Variants in MLIP observed in about 807,000 individuals in gnomAD.
The protein encoded by MLIP is muscular LMNA interacting protein.
Under a neutral mutation model 84.8 loss-of-function variants are expected in MLIP, and 79 were observed. The observed-to-expected ratio is 0.93, with a 90% CI of 0.78 to 1.12. The LOEUF (loss-of-function observed/expected upper bound fraction) is 1.12, where lower values mean the gene tolerates loss of function less well. MLIP is among the 50% of genes most tolerant of loss of function. The probability of loss-of-function intolerance (pLI) is 0.00; values close to 1 mark genes in which losing one functional copy is unlikely to be tolerated. For missense variants in MLIP, 1,257 were observed against 1,160.6 expected (o/e 1.08, Z -1.21); for synonymous variants, 504 against 463.0 (o/e 1.09, Z -1.14).
chr6:54,190,173 G>T (rs567946203), intron 10 of MLIP, among the ~76,000 whole-genome samples: 1 of 152,206 alleles, frequency 6.6e-6, no homozygotes. Flanking sequence ...TGTGAGGTCA[G>T]ATGAAAGATG....
At chr6:54,086,122 C>T (rs1180153556) in intron 1 of MLIP, among the ~76,000 whole-genome samples, 1 of 152,114 alleles carries the variant, frequency 6.6e-6, no homozygotes, top group Non-Finnish European at 1.5e-5. Flanking sequence ...TCACATTTAC[C>T]ACCTCTGCAT....
At chr6:54,030,652 A>G (rs370187353) in intron 1 of MLIP, 7 of 152,006 alleles carry the variant, frequency 4.6e-5, no homozygotes, top group Non-Finnish European at 2.9e-5. Flanking sequence ...TGCACGTAAG[A>G]TATTTTCCTA....
At chr6:54,122,130 T>C (rs581120) in intron 2 of MLIP, among the ~76,000 whole-genome samples, 58,618 of 151,906 alleles carry the variant, frequency 0.39, 11,588 homozygotes, top group Admixed American at 0.47. Flanking sequence ...ATCTAACTCT[T>C]TGAAAAGTAT....
chr6:54,229,639 C>T (rs973634518), intron 11 of MLIP, among the ~76,000 whole-genome samples: 2 of 152,160 alleles, frequency 1.3e-5, no homozygotes, highest in Admixed American at 6.5e-5. Context: ...ACTGTTCCTG[C>T]ATTAGTTTGC....
intron 1 of MLIP, among the ~76,000 whole-genome samples, chr6:54,074,184 C>G (rs1278390256): frequency 6.6e-6 from 1 of 152,096 alleles, no homozygotes; most frequent in Non-Finnish European, 1.5e-5. Context: ...TGATAAATGG[C>G]TCCCAGTATG....
chr6:54,135,506 T>C (rs567061022), intron 3 of MLIP, among the ~76,000 whole-genome samples: 4 of 152,258 alleles, frequency 2.6e-5, no homozygotes, highest in Non-Finnish European at 4.4e-5. Context: ...TTAGGTCTGA[T>C]GGAAATCTTA....
chr6:54,093,873 C>T (rs1768030211), intron 1 of MLIP, among the ~76,000 whole-genome samples: 1 of 152,134 alleles, frequency 6.6e-6, no homozygotes, highest in Non-Finnish European at 1.5e-5. Flanking sequence ...ACGGTATGGC[C>T]CACAAAGCCT....
intron 1 of MLIP, among the ~76,000 whole-genome samples, chr6:54,116,058 A>G (rs774757906): frequency 7.9e-5 from 12 of 152,218 alleles, no homozygotes; most frequent in Non-Finnish European, 1.3e-4. Flanking sequence ...AGGAATGTGC[A>G]TAGCATACAG....
intron 1 of MLIP, among the ~76,000 whole-genome samples, chr6:54,088,899 T>C (rs1383031369): frequency 2.6e-5 from 4 of 152,182 alleles, no homozygotes; most frequent in Non-Finnish European, 4.4e-5. Context: ...ATTATTTTAT[T>C]GATAAGTCCA....
intron 1 of MLIP, among the ~76,000 whole-genome samples, chr6:54,042,855 A>G (rs1764824874): frequency 6.6e-6 from 1 of 152,188 alleles, no homozygotes; most frequent in African/African-American, 2.4e-5. Context: ...TCTATTCATT[A>G]CTACTGCAAC....
In MLIP at chr6:54,148,984, A is replaced by G. The variant is rs73741451; in HGVS notation, c.2218-72A>G. ...GATAACGTATCATTTAACTTGGTAG[A>G]ACTGTCTGAAAATTATGTCATATTC... On this transcript the variant is annotated intron_variant, in intron 4 of 13. Coordinates refer to ENST00000502396, the MANE Select transcript of MLIP (RefSeq NM_001281747.2). 1.4e-3 allele frequency: 1,765 copies of G among 1,260,708 alleles called. 23 individuals carry two copies. In the African/African-American group the frequency reaches 0.018, roughly 13 times the overall value. 78.1% of individuals were successfully genotyped at this position (1,260,708 alleles called of 1,614,324 possible).
intron 10 of MLIP, among the ~76,000 whole-genome samples, chr6:54,197,857 GTGTT>G (rs562809281): frequency 6.6e-6 from 1 of 152,098 alleles, no homozygotes; most frequent in Non-Finnish European, 1.5e-5. Flanking sequence ...AATTTCCTCT[GTGTT>G]TGTTTGGACA....
chr6:54,184,805 C>G (rs917280863), intron 9 of MLIP, among the ~76,000 whole-genome samples: 1 of 151,958 alleles, frequency 6.6e-6, no homozygotes, highest in African/African-American at 2.4e-5. Context: ...CTCTTTCTCT[C>G]ATTATTTTTT....
intron 1 of MLIP, among the ~76,000 whole-genome samples, chr6:54,119,114 T>C (rs1045377315): frequency 7.9e-5 from 12 of 152,220 alleles, no homozygotes; most frequent in Non-Finnish European, 1.8e-4. Context: ...GGTACATTCA[T>C]TGTGGAAACG....
At chr6:54,093,716 C>A (rs1391376812) in intron 1 of MLIP, among the ~76,000 whole-genome samples, 2 of 152,196 alleles carry the variant, frequency 1.3e-5, no homozygotes, top group Non-Finnish European at 2.9e-5. Flanking sequence ...CCTGTGCATC[C>A]GCACAGGCAC....
rs761001558 is a variant in MLIP at position 54,124,600 on chromosome 6, T to G, written c.380T>G (p.Leu127Arg). The change falls in exon 3 of 14, where the codon CTT (leucine) becomes CGT (arginine). Residue 127 changes from leucine to arginine, a missense_variant. Physicochemically the swap from Leu to Arg is moderately radical, Grantham distance 102. Transcript: ENST00000502396. ...GAAAGGGAATTCGAAGCAAACAAAC[T>G]TCAAGGGATGCAGCAAAGTGACCTC... ...LQEREFEANK[L>R]QGMQQSDLFK... 2 of 1,614,154 alleles carry G rather than the reference T, an allele frequency of 1.2e-6. No individual in the cohort carries two copies. The highest frequency in any genetic ancestry group is 2.2e-5 in the South Asian group (2 of 91,082).
chr6:54,139,166 A>T (rs1582248735), intron 4 of MLIP, among the ~76,000 whole-genome samples: 1 of 150,332 alleles, frequency 6.7e-6, no homozygotes, highest in African/African-American at 2.5e-5. Context: ...GAAGTAAGAG[A>T]TTTTTTTTGT....
chr6:54,258,117 A>G (rs1428350314), intron 13 of MLIP, among the ~76,000 whole-genome samples: 1 of 152,034 alleles, frequency 6.6e-6, no homozygotes. Context: ...ATTTTAAAAA[A>G]CTTATCTCTG....
upstream of MLIP, among the ~76,000 whole-genome samples, chr6:54,110,396 T>C (rs1769365875): frequency 6.6e-6 from 1 of 152,216 alleles, no homozygotes; most frequent in African/African-American, 2.4e-5. Context: ...TTATATTCTC[T>C]TTTGAGTATC....
Sources: gnomAD v4.1 joint callset for allele counts (sites outside exome capture counted in the v4.1 genomes callset) on GRCh38, gnomAD v4.1.1 for gene constraint, MANE v1.5 for transcripts, NCBI Gene and HGNC (gene_info 2026-07-23, HGNC 2026-07-21) for gene names.